Variants in IGBP1C observed in about 807,000 individuals in gnomAD.
The protein encoded by IGBP1C is IGBP1 family member C.
At chr17:58,676,394 C>A in the IGBP1C span, among the ~76,000 whole-genome samples, 3 of 144,868 alleles carry the variant, frequency 2.1e-5, no homozygotes, top group Admixed American at 6.9e-5. Context: ...ACCAAAAAAA[C>A]AAAAAAAAAC....
At chr17:58,679,675 C>T in the IGBP1C span, 2 of 152,306 alleles carry the variant, frequency 1.3e-5, no homozygotes, top group Admixed American at 1.3e-4. Context: ...TGTTATTTCC[C>T]TTGCCAGTTA....
the IGBP1C span, chr17:58,660,818 T>C: frequency 3.8e-6 from 3 of 782,588 alleles, no homozygotes; most frequent in East Asian, 2.4e-5. Flanking sequence ...CAGACTTGGA[T>C]AGCCAGCGCC....
the IGBP1C span, among the ~76,000 whole-genome samples, chr17:58,688,676 T>C: frequency 5.9e-5 from 9 of 152,138 alleles, no homozygotes; most frequent in Admixed American, 3.3e-4. Context: ...ACATAGTTGG[T>C]AACTTCCAGA....
At chr17:58,683,175 C>A in the IGBP1C span, among the ~76,000 whole-genome samples, 338 of 151,094 alleles carry the variant, frequency 2.2e-3, 1 homozygote, top group Non-Finnish European at 3.8e-3. Flanking sequence ...GAGTTCAAGA[C>A]CAGCCTGGGC....
chr17:58,685,092 A>G, the IGBP1C span, among the ~76,000 whole-genome samples: 2 of 152,178 alleles, frequency 1.3e-5, no homozygotes, highest in African/African-American at 2.4e-5. Context: ...TCCATTTATA[A>G]TTTTGTATAG....
At chr17:58,678,476 C>T in the IGBP1C span, among the ~76,000 whole-genome samples, 1 of 152,026 alleles carries the variant, frequency 6.6e-6, no homozygotes, top group African/African-American at 2.4e-5. Context: ...ACATATACAC[C>T]ACGGAACACT....
the IGBP1C span, among the ~76,000 whole-genome samples, chr17:58,690,665 A>T: frequency 6.6e-6 from 1 of 152,198 alleles, no homozygotes; most frequent in Non-Finnish European, 1.5e-5. Context: ...CTGAGCGCTC[A>T]AATATAGACC....
chr17:58,679,015 G>C, the IGBP1C span, among the ~76,000 whole-genome samples: 1 of 151,912 alleles, frequency 6.6e-6, no homozygotes, highest in African/African-American at 2.4e-5. Context: ...TTAGCAAGGC[G>C]TGGTGGCGTG....
At chr17:58,660,821 C>T in the IGBP1C span, 3 of 782,820 alleles carry the variant, frequency 3.8e-6, no homozygotes, top group African/African-American at 1.7e-5. Flanking sequence ...ACTTGGATAG[C>T]CAGCGCCAAA....
the IGBP1C span, among the ~76,000 whole-genome samples, chr17:58,688,325 G>A: frequency 2.6e-5 from 4 of 152,098 alleles, no homozygotes; most frequent in South Asian, 2.1e-4. Flanking sequence ...TTACCACATC[G>A]CCCAGGCTGG....
At chr17:58,688,117 T>TTTTG in the IGBP1C span, among the ~76,000 whole-genome samples, 1 of 151,900 alleles carries the variant, frequency 6.6e-6, no homozygotes, top group Non-Finnish European at 1.5e-5. Flanking sequence ...TTATAGACTT[T>TTTTG]TTTTGTTTTG....
At chr17:58,677,169 T>TA in the IGBP1C span, among the ~76,000 whole-genome samples, 2 of 150,706 alleles carry the variant, frequency 1.3e-5, no homozygotes. Context: ...CACATGCCTG[T>TA]ACAGCTACTT....
the IGBP1C span, among the ~76,000 whole-genome samples, chr17:58,673,794 A>G: frequency 1.3e-5 from 2 of 152,016 alleles, no homozygotes; most frequent in African/African-American, 2.4e-5. Flanking sequence ...CTTGGTCTCA[A>G]ACTTCTTGGC....
the IGBP1C span, among the ~76,000 whole-genome samples, chr17:58,669,225 G>A: frequency 0.043 from 6,485 of 151,950 alleles, 183 homozygotes; most frequent in Non-Finnish European, 0.06. Flanking sequence ...GGTGGTACAC[G>A]CCTCTAATTC....
At chr17:58,690,225 T>TA in the IGBP1C span, among the ~76,000 whole-genome samples, 2 of 151,344 alleles carry the variant, frequency 1.3e-5, no homozygotes, top group African/African-American at 4.9e-5. Flanking sequence ...GGAGTGGAGT[T>TA]ACGCAATCTC....
the IGBP1C span, among the ~76,000 whole-genome samples, chr17:58,670,568 G>GT: frequency 6.6e-6 from 1 of 151,838 alleles, no homozygotes; most frequent in African/African-American, 2.4e-5. Flanking sequence ...GAGGTCAGGT[G>GT]TTTGAGACCA....
chr17:58,661,920 A>G, the IGBP1C span: 30 of 215,936 alleles, frequency 1.4e-4, no homozygotes, highest in South Asian at 3.5e-3. Flanking sequence ...AAATGCAGCT[A>G]CCCCCAACCC....
the IGBP1C span, among the ~76,000 whole-genome samples, chr17:58,674,462 G>T: frequency 6.6e-6 from 1 of 152,094 alleles, no homozygotes. Flanking sequence ...TTGAGGTCAG[G>T]AGTTCACAAC....
At chr17:58,665,140 T>C in the IGBP1C span, among the ~76,000 whole-genome samples, 1 of 152,050 alleles carries the variant, frequency 6.6e-6, no homozygotes, top group South Asian at 2.1e-4. Context: ...ACATTTTTAG[T>C]AGCTATATTA....
Sources: allele counts gnomAD v4.1 joint callset (sites outside exome capture counted in the v4.1 genomes callset), GRCh38; gene constraint gnomAD v4.1.1; transcripts MANE v1.5; gene names NCBI Gene and HGNC (gene_info 2026-07-23, HGNC 2026-07-21).